Variants in PTPN12 observed in about 807,000 individuals in gnomAD.
The protein encoded by PTPN12 is protein tyrosine phosphatase non-receptor type 12, also known as tyrosine-protein phosphatase non-receptor type 12.
In PTPN12, 29 loss-of-function variants were observed where a neutral mutation model predicts 97.6. That is an observed-to-expected ratio of 0.30 (90% CI 0.22 to 0.41). PTPN12 has a LOEUF of 0.41. Ranked by LOEUF, PTPN12 falls within the 10% of genes least tolerant of loss-of-function variation. The probability of loss-of-function intolerance (pLI) is 1.00; values close to 1 mark genes in which losing one functional copy is unlikely to be tolerated. For synonymous variants in PTPN12, 327 were observed against 300.4 expected (o/e 1.09, Z -0.91); for missense variants, 819 against 926.0 (o/e 0.88, Z 1.50).
Position 77,537,433 on chromosome 7 carries a change from G to A in PTPN12, c.-114G>A, listed in dbSNP as rs960866202. 11 of 1,385,742 alleles carry A rather than the reference G, an allele frequency of 7.9e-6. No individual in the cohort carries two copies. In the African/African-American group the frequency reaches 1.5e-4, roughly 19 times the overall value. 85.8% of individuals were successfully genotyped at this position (1,385,742 alleles called of 1,614,324 possible). A position where few individuals can be genotyped will look rare whatever the true frequency, so the allele number is the denominator to read the frequency against. On this transcript the variant is annotated 5_prime_UTR_variant, in exon 1 of 18. Coordinates refer to ENST00000248594, the MANE Select transcript of PTPN12 (RefSeq NM_002835.4). ...AGGAGGGAGCCGCGGGGCTTGGCGGGGTCGGGAGGGAGGGACGTGCTGGGG... is the reference window on the plus strand; with the variant it reads ...AGGAGGGAGCCGCGGGGCTTGGCGGAGTCGGGAGGGAGGGACGTGCTGGGG...
At chr7:77,580,707 T>C (rs529634994) in intron 2 of PTPN12, among the ~76,000 whole-genome samples, 36 of 152,302 alleles carry the variant, frequency 2.4e-4, no homozygotes, top group African/African-American at 8.2e-4. Context: ...CTCTATTACC[T>C]AATAATAACT....
At chr7:77,603,396 C>A (rs1314868117) in intron 8 of PTPN12, among the ~76,000 whole-genome samples, 2 of 152,210 alleles carry the variant, frequency 1.3e-5, no homozygotes, top group Non-Finnish European at 2.9e-5. Context: ...CAAGAAAATT[C>A]TTTTGCTTTC....
At chr7:77,569,669 G>A (rs548986806) in intron 1 of PTPN12, among the ~76,000 whole-genome samples, 30 of 152,248 alleles carry the variant, frequency 2.0e-4, no homozygotes, top group African/African-American at 7.2e-4. Flanking sequence ...TACTCAGGAG[G>A]CTGAGGCACA....
At chr7:77,584,785 G>T (rs1162110005) in intron 4 of PTPN12, among the ~76,000 whole-genome samples, 1 of 151,934 alleles carries the variant, frequency 6.6e-6, no homozygotes, top group Non-Finnish European at 1.5e-5. Flanking sequence ...GCTAAGGCAG[G>T]AGAATGGCGT....
chr7:77,620,198 C>T lies in PTPN12; in HGVS notation c.1025+1633C>T, dbSNP rs189754232. 3.9e-5 allele frequency among the ~76,000 whole-genome samples: 6 copies of T among 152,212 alleles called. No homozygotes were observed. The East Asian group carries it at 1.2e-3, about 29-fold the overall frequency. Reference sequence around the variant, plus strand: ...TTGTATGTTCTTCTACCTCTAACTACATGTAGCAGCAGTCTCTTCTTAATT... The same window carrying T: ...TTGTATGTTCTTCTACCTCTAACTATATGTAGCAGCAGTCTCTTCTTAATT... On this transcript the variant is annotated intron_variant, in intron 12 of 17. Transcript: ENST00000248594.
In PTPN12 at chr7:77,627,174, A is replaced by ACAGAAGTCTT. The variant is rs761297095; in HGVS notation, c.1495_1496insCAGAAGTCTT (p.Ser499ThrfsTer34). On this transcript the variant is annotated frameshift_variant, in exon 13 of 18. Transcript: ENST00000248594. LOFTEE classifies it high-confidence loss of function. The stretch of plus-strand genomic sequence containing the variant: ...TTCCCAGAATTCTTGTGTGGACTGC[A>ACAGAAGTCTT]GTGTAACACAATCAAACAAAGTTTC... 6.2e-7 allele frequency: 1 copy of ACAGAAGTCTT among 1,614,216 alleles called. No individual in the cohort carries two copies. Among genetic ancestry groups the ACAGAAGTCTT allele is most frequent in the Admixed American group, 1.7e-5 (1 of 60,030 alleles).
At position 77,553,945 on chromosome 7, in the gene PTPN12, C is replaced by CT. The variant is rs56333533; in HGVS notation, c.99+16311dup. On this transcript the variant is annotated intron_variant, in intron 1 of 17. Coordinates refer to ENST00000248594, the MANE Select transcript of PTPN12 (RefSeq NM_002835.4). Reference sequence around the variant, plus strand: ...CTTTCTTAGCATGTCAGTTTTACTTCTTTTTTTTTTTACTTTTTTTGTTTT... The same window carrying CT: ...CTTTCTTAGCATGTCAGTTTTACTTCTTTTTTTTTTTTACTTTTTTTGTTTT... Among the ~76,000 whole-genome samples, 755 of 147,406 alleles carry CT rather than the reference C, an allele frequency of 5.1e-3. 4 individuals carry two copies. The highest frequency in any genetic ancestry group is 0.017 in the African/African-American group (692 of 40,026).
intron 8 of PTPN12, among the ~76,000 whole-genome samples, chr7:77,606,601 C>T (rs1000016521): frequency 6.6e-6 from 1 of 152,188 alleles, no homozygotes; most frequent in Admixed American, 6.5e-5. Flanking sequence ...AGACAATAGG[C>T]CTTCCTTATT....
At position 77,592,041 on chromosome 7, in the gene PTPN12, GCT is replaced by G. The variant is rs576511814; in HGVS notation, c.421-138_421-137del. 4.7e-4 allele frequency: 321 copies of G among 677,678 alleles called. No homozygotes were observed. In the East Asian group the frequency reaches 7.7e-3, roughly 16 times the overall value. The allele number at this position is 677,678 out of a possible 1,614,324, so 42.0% of individuals were successfully genotyped here. A position where few individuals can be genotyped will look rare whatever the true frequency, so the allele number is the denominator to read the frequency against. On this transcript the variant is annotated intron_variant, in intron 5 of 17. Coordinates refer to ENST00000248594, the MANE Select transcript of PTPN12 (RefSeq NM_002835.4). Reference sequence around the variant, plus strand: ...TTTTAAAACAACTGGGTAAATCTAAGCTCTCTCAGCTCCATGCCTGCTAATGT... The same window carrying G: ...TTTTAAAACAACTGGGTAAATCTAAGCTCTCAGCTCCATGCCTGCTAATGT...
chr7:77,557,709 T>C (rs1169884400), intron 1 of PTPN12, among the ~76,000 whole-genome samples: 1 of 152,144 alleles, frequency 6.6e-6, no homozygotes, highest in African/African-American at 2.4e-5. Context: ...AAGATGAGCT[T>C]CTATATATCA....
At chr7:77,586,508 C>T (rs904299552) in intron 5 of PTPN12, among the ~76,000 whole-genome samples, 1 of 152,114 alleles carries the variant, frequency 6.6e-6, no homozygotes, top group Non-Finnish European at 1.5e-5. Context: ...CACTTGAGCC[C>T]AGAAGGTTGA....
At chr7:77,573,475 G>A (rs7781642) in intron 2 of PTPN12, among the ~76,000 whole-genome samples, 2,909 of 152,200 alleles carry the variant, frequency 0.019, 84 homozygotes, top group African/African-American at 0.065. Context: ...CCATTCACAA[G>A]GCATAATCTA....
chr7:77,538,335 GA>G lies in PTPN12; in HGVS notation c.99+691del, dbSNP rs568906302. The stretch of plus-strand genomic sequence containing the variant: ...GGTCCGTGTGACTATAGGTTCAGGG[GA>G]TAAGTGTGGGTGGGGGAATTATCCT... On this transcript the variant is annotated intron_variant, in intron 1 of 17. Coordinates refer to ENST00000248594, the MANE Select transcript of PTPN12 (RefSeq NM_002835.4). Among the ~76,000 whole-genome samples the G allele has an allele frequency of 7.9e-5, 12 of 151,594 alleles. No homozygotes were observed. In the East Asian group the frequency reaches 2.0e-3, roughly 25 times the overall value.
chr7:77,581,422 C>A lies in PTPN12; in HGVS notation c.209-5C>A. ...ATACATATTTTATGAATTTTTTTCT[C>A]GTAGTTGATCACAGCCGAGTTAAAT... On this transcript the variant is annotated splice_region_variant and splice_polypyrimidine_tract_variant and intron_variant, in intron 2 of 17. Transcript: ENST00000248594. 1 of 1,595,676 alleles carries A rather than the reference C, an allele frequency of 6.3e-7. No individual in the cohort carries two copies. The highest frequency in any genetic ancestry group is 8.6e-7 in the Non-Finnish European group (1 of 1,168,294).
At chr7:77,555,368 C>A (rs1341178350) in intron 1 of PTPN12, among the ~76,000 whole-genome samples, 1 of 151,950 alleles carries the variant, frequency 6.6e-6, no homozygotes, top group African/African-American at 2.4e-5. Context: ...TCAAATATTT[C>A]TTCTGTTCCC....
chr7:77,544,909 T>G (rs545086267), intron 1 of PTPN12, among the ~76,000 whole-genome samples: 3 of 152,382 alleles, frequency 2.0e-5, no homozygotes, highest in African/African-American at 7.2e-5. Flanking sequence ...TAGACGATCA[T>G]GAGAACTGCT....
chr7:77,613,468 C>T lies in PTPN12; in HGVS notation c.939+2422C>T, dbSNP rs142188646. ...AGGATTACAGGCATAAGCTACTGCA[C>T]CCAGCATCTTTAAACTTTAATTGAA... On this transcript the variant is annotated intron_variant, in intron 11 of 17. Coordinates refer to ENST00000248594, the MANE Select transcript of PTPN12 (RefSeq NM_002835.4). Among the ~76,000 whole-genome samples, 1,090 of 152,024 alleles carry T rather than the reference C, an allele frequency of 7.2e-3. 41 individuals carry two copies. Among genetic ancestry groups the T allele is most frequent in the Admixed American group, 0.052 (797 of 15,248 alleles).
At chr7:77,598,499 C>T (rs1023625348) in intron 7 of PTPN12, among the ~76,000 whole-genome samples, 1 of 151,974 alleles carries the variant, frequency 6.6e-6, no homozygotes, top group African/African-American at 2.4e-5. Flanking sequence ...CTGGCCAACA[C>T]GGCGAAGCCC....
At chr7:77,579,002 A>C (rs1258831605) in intron 2 of PTPN12, among the ~76,000 whole-genome samples, 1 of 152,208 alleles carries the variant, frequency 6.6e-6, no homozygotes, top group Non-Finnish European at 1.5e-5. Flanking sequence ...TGTTGTGCTG[A>C]GAAGGACACA....
Sources: gnomAD v4.1 joint callset for allele counts (sites outside exome capture counted in the v4.1 genomes callset) on GRCh38, gnomAD v4.1.1 for gene constraint, MANE v1.5 for transcripts, NCBI Gene and HGNC (gene_info 2026-07-23, HGNC 2026-07-21) for gene names.